ARHGAP42: variants seen among roughly 807,000 people sequenced by gnomAD.
ARHGAP42 encodes the protein Rho GTPase activating protein 42.
Under a neutral mutation model 125.0 loss-of-function variants are expected in ARHGAP42, and 63 were observed. The ratio of observed to expected loss-of-function variants is 0.50; its 90% confidence interval spans 0.41 to 0.62. The LOEUF is 0.62. Ranked by LOEUF, ARHGAP42 falls within the 20% of genes least tolerant of loss-of-function variation. The probability of loss-of-function intolerance (pLI) is 0.00; values close to 1 mark genes in which losing one functional copy is unlikely to be tolerated. For missense variants in ARHGAP42, 766 were observed against 1,024.2 expected (o/e 0.75, Z 3.44); for synonymous variants, 339 against 351.0 (o/e 0.97, Z 0.38).
At chr11:100,768,480 C>G (rs1012866120) in intron 1 of ARHGAP42, among the ~76,000 whole-genome samples, 1 of 152,104 alleles carries the variant, frequency 6.6e-6, no homozygotes, top group Non-Finnish European at 1.5e-5. Context: ...GAGGCCTAGT[C>G]AAGAAGAGGG....
chr11:100,687,740 G>A lies in ARHGAP42; in HGVS notation c.62G>A (p.Arg21His). 2 of 1,550,348 alleles carry A rather than the reference G, an allele frequency of 1.3e-6. No homozygotes were observed. Among genetic ancestry groups the A allele is most frequent in the Non-Finnish European group, 1.7e-6 (2 of 1,146,660 alleles). The change falls in exon 1 of 24, where the codon CGC becomes CAC. Residue 21 changes from arginine to histidine, a missense_variant. This residue lies in a region of ARHGAP42 where 455 missense variants were observed against 636.5 expected (regional missense o/e 0.71). Coordinates refer to ENST00000298815, the MANE Select transcript of ARHGAP42 (RefSeq NM_152432.4). The stretch of plus-strand genomic sequence containing the variant: ...TTGGACAGCCCAGATTTCAGGGAGC[G>A]CTTGCAGTGTCACGAGATTGAGCTG... Reference protein sequence around the residue: ...SYLDSPDFRERLQCHEIELER... With the variant: ...SYLDSPDFREHLQCHEIELER...
At chr11:100,837,803 G>T (rs967187265) in intron 3 of ARHGAP42, among the ~76,000 whole-genome samples, 1 of 149,556 alleles carries the variant, frequency 6.7e-6, no homozygotes, top group African/African-American at 2.5e-5. Context: ...TGCAGCCAAG[G>T]GTCAGCAGTC....
intron 1 of ARHGAP42, among the ~76,000 whole-genome samples, chr11:100,717,636 CAAAAAAA>C (rs60024751): frequency 1.4e-5 from 1 of 69,098 alleles, no homozygotes; most frequent in Non-Finnish European, 2.9e-5. Context: ...GACTCCGTCT[CAAAAAAA>C]AAAAAAAAAA....
At chr11:100,794,990 C>T in intron 2 of ARHGAP42, 115 bp from the exon 3 acceptor site, 1 of 691,982 alleles carries the variant, frequency 1.4e-6, no homozygotes, top group Non-Finnish European at 2.3e-6. Flanking sequence ...TAATAGTATA[C>T]AGAATATACT....
intron 2 of ARHGAP42, among the ~76,000 whole-genome samples, chr11:100,772,905 C>T (rs754523081): frequency 2.6e-5 from 4 of 152,166 alleles, no homozygotes; most frequent in Non-Finnish European, 5.9e-5. Flanking sequence ...GGCATGATCT[C>T]GGCTCACTGC....
intron 3 of ARHGAP42, among the ~76,000 whole-genome samples, chr11:100,823,606 A>G (rs1864449665): frequency 6.6e-6 from 1 of 152,170 alleles, no homozygotes; most frequent in Non-Finnish European, 1.5e-5. Flanking sequence ...TCACCAATTT[A>G]ATCCAAGTAT....
chr11:100,825,498 C>T (rs565144987), intron 3 of ARHGAP42, among the ~76,000 whole-genome samples: 2 of 152,212 alleles, frequency 1.3e-5, no homozygotes, highest in African/African-American at 4.8e-5. Flanking sequence ...TTTATTATAC[C>T]AGAATAAGCA....
intron 16 of ARHGAP42, among the ~76,000 whole-genome samples, 189 bp downstream of exon 16, chr11:100,962,656 C>T (rs1033353216): frequency 2.0e-5 from 3 of 152,108 alleles, no homozygotes; most frequent in Non-Finnish European, 4.4e-5. Context: ...GCTGGCGGAT[C>T]ACCTGAGGTC....
chr11:100,849,283 C>T (rs1197081384), intron 3 of ARHGAP42, among the ~76,000 whole-genome samples: 1 of 152,026 alleles, frequency 6.6e-6, no homozygotes, highest in Non-Finnish European at 1.5e-5. Flanking sequence ...TCTTTACTTC[C>T]TTGGGTAAGA....
intron 3 of ARHGAP42, among the ~76,000 whole-genome samples, chr11:100,805,972 T>C (rs1185616768): frequency 6.6e-6 from 1 of 152,164 alleles, no homozygotes; most frequent in Non-Finnish European, 1.5e-5. Context: ...TCACTCCTCA[T>C]CCTGTGACTA....
intron 3 of ARHGAP42, among the ~76,000 whole-genome samples, chr11:100,842,616 A>G (rs1363765992): frequency 6.6e-6 from 1 of 152,120 alleles, no homozygotes; most frequent in Non-Finnish European, 1.5e-5. Flanking sequence ...TTGGTAGGCC[A>G]AACAGTGTGG....
chr11:100,926,755 A>G (rs1402494805), intron 6 of ARHGAP42, among the ~76,000 whole-genome samples: 2 of 152,224 alleles, frequency 1.3e-5, no homozygotes, highest in African/African-American at 4.8e-5. Context: ...AGCGTCAATA[A>G]GGCACCAGCC....
chr11:100,986,981 A>G (rs1421566392), intron 22 of ARHGAP42, among the ~76,000 whole-genome samples: 1 of 152,160 alleles, frequency 6.6e-6, no homozygotes, highest in African/African-American at 2.4e-5. Context: ...TGTCCCCATC[A>G]TCTTCTTGAT....
intron 3 of ARHGAP42, among the ~76,000 whole-genome samples, chr11:100,837,666 C>CTATTTTTTTTT (rs1555008871): frequency 3.3e-5 from 2 of 61,042 alleles, no homozygotes; most frequent in African/African-American, 1.4e-4. Context: ...AGGTGTCATC[C>CTATTTTTTTTT]TTTTTTTTTT....
At chr11:100,707,407 A>AT (rs1281876297) in intron 1 of ARHGAP42, among the ~76,000 whole-genome samples, 1 of 152,198 alleles carries the variant, frequency 6.6e-6, no homozygotes, top group East Asian at 1.9e-4. Context: ...TAAATTAATT[A>AT]TTTTTCGTAA....
chr11:100,859,415 T>C (rs1865392871), intron 3 of ARHGAP42, 139 bp from the exon 4 acceptor site: 1 of 636,074 alleles, frequency 1.6e-6, no homozygotes, highest in South Asian at 2.1e-5. Flanking sequence ...AAGAACTGTA[T>C]ATAACATGTA....
At chr11:100,948,147 A>G (rs960328328) in intron 10 of ARHGAP42, among the ~76,000 whole-genome samples, 2 of 152,042 alleles carry the variant, frequency 1.3e-5, no homozygotes, top group Admixed American at 6.6e-5. Context: ...TAACTTTTTC[A>G]TCCTTTTTGA....
At chr11:100,691,529 T>G (rs1322863775) in intron 1 of ARHGAP42, among the ~76,000 whole-genome samples, 1 of 152,056 alleles carries the variant, frequency 6.6e-6, no homozygotes, top group Non-Finnish European at 1.5e-5. Flanking sequence ...GATTTTTATT[T>G]ATTTATTTAT....
At chr11:100,725,785 A>G (rs1381451507) in intron 1 of ARHGAP42, among the ~76,000 whole-genome samples, 2 of 151,880 alleles carry the variant, frequency 1.3e-5, no homozygotes, top group African/African-American at 4.8e-5. Flanking sequence ...ATACCAAAAA[A>G]TTAGCCGGGC....
Sources: allele counts gnomAD v4.1 joint callset (sites outside exome capture counted in the v4.1 genomes callset), GRCh38; gene constraint gnomAD v4.1.1; regional missense constraint gnomAD v4.1.1; transcripts MANE v1.5; gene names NCBI Gene and HGNC (gene_info 2026-07-23, HGNC 2026-07-21).